The following ADAMTS12 variants were observed in gnomAD, a reference collection of about 807,000 sequenced individuals.
ADAMTS12 encodes ADAM metallopeptidase with thrombospondin type 1 motif 12, also known as A disintegrin and metalloproteinase with thrombospondin motifs 12.
ADAMTS12 carries 118 observed loss-of-function variants against 167.8 expected under a neutral mutation model. That is an observed-to-expected ratio of 0.70 (90% CI 0.61 to 0.82). The LOEUF (loss-of-function observed/expected upper bound fraction) is 0.82, where lower values mean the gene tolerates loss of function less well. Ranked by LOEUF, ADAMTS12 falls within the 40% of genes least tolerant of loss-of-function variation. The pLI is 0.00. For missense variants in ADAMTS12, 1,916 were observed against 1,998.8 expected (o/e 0.96, Z 0.79); for synonymous variants, 704 against 716.9 (o/e 0.98, Z 0.29).
intron 20 of ADAMTS12, among the ~76,000 whole-genome samples, chr5:33,556,038 A>G (rs1246942243): frequency 6.6e-6 from 1 of 152,226 alleles, no homozygotes; most frequent in East Asian, 1.9e-4. Flanking sequence ...AGCCAGCCCT[A>G]ACTTTACCTA....
intron 16 of ADAMTS12, among the ~76,000 whole-genome samples, chr5:33,605,974 G>A (rs545776869): frequency 1.7e-4 from 26 of 151,964 alleles, no homozygotes; most frequent in Non-Finnish European, 8.8e-5. Context: ...TTGAGATGGA[G>A]TCTCACTCTG....
intron 9 of ADAMTS12, among the ~76,000 whole-genome samples, chr5:33,644,560 T>C (rs1434820134): frequency 6.6e-6 from 1 of 152,200 alleles, no homozygotes; most frequent in Non-Finnish European, 1.5e-5. Context: ...GGTTCTTTTT[T>C]CTCATGTACA....
At position 33,534,932 on chromosome 5, in the gene ADAMTS12, C is replaced by G. The variant is rs1335803027; in HGVS notation, c.4507G>C (p.Gly1503Arg). 6.2e-7 allele frequency: 1 copy of G among 1,613,886 alleles called. No homozygotes were observed. ...TGGTCTTGGTCTTCAGTTTTATTGC[C>G]CTCTGAGGGCACACATTGGACAGTC... ...KRTVQCVPSEGNKTEDQDQCL... is the reference protein window; with the variant it reads ...KRTVQCVPSERNKTEDQDQCL... Residue 1503 changes from glycine (G) to arginine (R), a missense_variant, in exon 23 of 24, where the codon GGC becomes CGC. Transcript: ENST00000504830.
At chr5:33,777,874 A>G (rs1461294725) in intron 2 of ADAMTS12, among the ~76,000 whole-genome samples, 1 of 152,058 alleles carries the variant, frequency 6.6e-6, no homozygotes, top group African/African-American at 2.4e-5. Flanking sequence ...ATTTTTTTAT[A>G]TAGTAACAAA....
chr5:33,746,827 G>A (rs1031731505), intron 3 of ADAMTS12, among the ~76,000 whole-genome samples: 2 of 152,180 alleles, frequency 1.3e-5, no homozygotes, highest in Admixed American at 6.5e-5. Flanking sequence ...TTAATCAGTC[G>A]AAAAGCAGAA....
intron 1 of ADAMTS12, chr5:33,891,456 C>A: frequency 2.5e-6 from 1 of 399,300 alleles, no homozygotes; most frequent in East Asian, 4.0e-5. Flanking sequence ...AAAAAGTTAC[C>A]AGCTACCTCT....
intron 4 of ADAMTS12, 28 bp from the exon 5 acceptor site, chr5:33,683,129 C>T: frequency 1.3e-6 from 2 of 1,521,104 alleles, no homozygotes; most frequent in Non-Finnish European, 1.8e-6. Flanking sequence ...AAACCATTAG[C>T]TCCACACGAA....
intron 5 of ADAMTS12, among the ~76,000 whole-genome samples, chr5:33,681,150 A>G (rs1371679043): frequency 6.6e-6 from 1 of 152,218 alleles, no homozygotes; most frequent in African/African-American, 2.4e-5. Context: ...ATGAAGGGAA[A>G]TGACATACCC....
intron 2 of ADAMTS12, among the ~76,000 whole-genome samples, chr5:33,799,722 G>A (rs1442393992): frequency 6.6e-6 from 1 of 152,318 alleles, no homozygotes; most frequent in African/African-American, 2.4e-5. Context: ...TTTCTTTGCT[G>A]CTCAAAATAG....
intron 17 of ADAMTS12, among the ~76,000 whole-genome samples, chr5:33,592,589 C>T (rs952733500): frequency 5.3e-5 from 8 of 152,250 alleles, no homozygotes; most frequent in African/African-American, 1.7e-4. Context: ...ACAGCCTACC[C>T]TCTCCTGGAA....
intron 19 of ADAMTS12, among the ~76,000 whole-genome samples, chr5:33,567,375 C>G (rs1214493025): frequency 6.6e-6 from 1 of 152,192 alleles, no homozygotes; most frequent in Non-Finnish European, 1.5e-5. Flanking sequence ...CACTTGTTTT[C>G]TTTGTTTTCA....
intron 7 of ADAMTS12, among the ~76,000 whole-genome samples, chr5:33,655,283 CAATT>C (rs926550382): frequency 3.9e-5 from 6 of 152,208 alleles, no homozygotes; most frequent in African/African-American, 4.8e-5. Context: ...TCTCCAGAGC[CAATT>C]AGACTGCTCT....
intron 3 of ADAMTS12, among the ~76,000 whole-genome samples, chr5:33,750,678 T>C (rs1744941585): frequency 6.6e-6 from 1 of 152,230 alleles, no homozygotes; most frequent in Admixed American, 6.5e-5. Context: ...GATAAACTAA[T>C]GCATAGCTTA....
At chr5:33,878,506 G>A (rs1750311521) in intron 2 of ADAMTS12, among the ~76,000 whole-genome samples, 1 of 152,182 alleles carries the variant, frequency 6.6e-6, no homozygotes, top group South Asian at 2.1e-4. Context: ...ATTTGAAATT[G>A]AAAGGGTCCT....
intron 2 of ADAMTS12, 52 bp from the exon 3 acceptor site, chr5:33,751,600 C>T: frequency 1.9e-6 from 3 of 1,578,040 alleles, no homozygotes; most frequent in Non-Finnish European, 2.6e-6. Context: ...TACATACCTA[C>T]TAAAAACAAA....
Position 33,576,440 on chromosome 5 carries a change from G to C in ADAMTS12, c.3586C>G (p.Leu1196Val). The change falls in exon 19 of 24, where the codon CTT becomes GTT. Residue 1196 changes from leucine to valine, a missense_variant. By Grantham distance (32) the Leu-to-Val change is conservative. Coordinates refer to ENST00000504830, the MANE Select transcript of ADAMTS12 (RefSeq NM_030955.4). ...DAPVESTEMP[L>V]APPLTPDLSR... ...AGATCTGGTGTTAGTGGAGGTGCAA[G>C]TGGCATTTCTGTACTTTCCACTGGA... 1.9e-6 allele frequency: 3 copies of C among 1,611,768 alleles called. No individual in the cohort carries two copies. Among genetic ancestry groups the C allele is most frequent in the Non-Finnish European group, 2.5e-6 (3 of 1,178,656 alleles).
chr5:33,730,339 T>C (rs1309319812), intron 3 of ADAMTS12, among the ~76,000 whole-genome samples: 2 of 151,806 alleles, frequency 1.3e-5, no homozygotes. Flanking sequence ...TGTGTTTCTG[T>C]GTGTATGTGT....
At chr5:33,726,413 C>T (rs913208022) in intron 3 of ADAMTS12, among the ~76,000 whole-genome samples, 1 of 152,040 alleles carries the variant, frequency 6.6e-6, no homozygotes, top group Non-Finnish European at 1.5e-5. Flanking sequence ...TTATTGTTAA[C>T]AAAGAAAAAG....
intron 3 of ADAMTS12, among the ~76,000 whole-genome samples, chr5:33,691,650 G>T (rs1742551127): frequency 6.6e-6 from 1 of 152,198 alleles, no homozygotes; most frequent in Non-Finnish European, 1.5e-5. Context: ...AAAGATGGGT[G>T]ATGGACCAGC....
Sources: allele counts gnomAD v4.1 joint callset (sites outside exome capture counted in the v4.1 genomes callset), GRCh38; gene constraint gnomAD v4.1.1; transcripts MANE v1.5; gene names NCBI Gene and HGNC (gene_info 2026-07-23, HGNC 2026-07-21).